Variants in EYS observed in about 807,000 individuals in gnomAD.
The protein encoded by EYS is EGF-like photoreceptor maintenance factor.
EYS carries 250 observed loss-of-function variants against 282.1 expected under a neutral mutation model. That is an observed-to-expected ratio of 0.89 (90% CI 0.80 to 0.98). EYS has a LOEUF of 0.98. Among genes scored for constraint, EYS ranks in the 50% least tolerant of loss-of-function variants. EYS has a pLI of 0.00. For missense variants in EYS, 4,016 were observed against 3,709.0 expected, an observed-to-expected ratio of 1.08 and a Z score of -2.15; for synonymous variants, 1,355 against 1,282.9, an observed-to-expected ratio of 1.06 and a Z score of -1.20.
At chr6:65,062,929 C>T (rs1773622156) in intron 12 of EYS, among the ~76,000 whole-genome samples, 3 of 151,862 alleles carry the variant, frequency 2.0e-5, no homozygotes. Flanking sequence ...TTTGGTTTTC[C>T]TCCCACTTGA....
At chr6:63,794,351 G>A (rs535425968) in intron 37 of EYS, among the ~76,000 whole-genome samples, 15 of 152,224 alleles carry the variant, frequency 9.9e-5, no homozygotes, top group Admixed American at 2.6e-4. Flanking sequence ...CTCTTGGGTC[G>A]GGAACAGAAG....
chr6:64,806,571 TA>T (rs1444228759), intron 22 of EYS, among the ~76,000 whole-genome samples: 1 of 152,150 alleles, frequency 6.6e-6, no homozygotes, highest in African/African-American at 2.4e-5. Context: ...TAAAGCTTAC[TA>T]ATCTTTTAAC....
At chr6:64,419,971 T>G (rs998842833) in intron 28 of EYS, among the ~76,000 whole-genome samples, 1 of 152,206 alleles carries the variant, frequency 6.6e-6, no homozygotes, top group Non-Finnish European at 1.5e-5. Context: ...ACATTTCCCT[T>G]CTGCACTGCC....
chr6:64,432,485 T>G (rs1187693951), intron 28 of EYS, among the ~76,000 whole-genome samples: 1 of 151,410 alleles, frequency 6.6e-6, no homozygotes, highest in Non-Finnish European at 1.5e-5. Flanking sequence ...AATACACTTG[T>G]TATTAAAGGC....
intron 32 of EYS, among the ~76,000 whole-genome samples, chr6:64,073,065 C>T (rs1054745322): frequency 5.3e-5 from 8 of 151,824 alleles, no homozygotes; most frequent in African/African-American, 1.9e-4. Context: ...ATACCAACAT[C>T]CCATTATGGA....
chr6:63,774,259 C>T (rs1208945012), intron 40 of EYS, among the ~76,000 whole-genome samples: 1 of 151,962 alleles, frequency 6.6e-6, no homozygotes, highest in African/African-American at 2.4e-5. Context: ...CCTTCTGCCT[C>T]CCAGGTTCAA....
chr6:63,973,165 T>C (rs9342078), intron 35 of EYS, among the ~76,000 whole-genome samples: 57,071 of 151,866 alleles, frequency 0.38, 10,962 homozygotes, highest in African/African-American at 0.45. Flanking sequence ...AATTTACACT[T>C]CCACCAACAG....
intron 22 of EYS, among the ~76,000 whole-genome samples, chr6:64,658,205 C>G (rs990987079): frequency 4.6e-5 from 7 of 152,214 alleles, no homozygotes; most frequent in Non-Finnish European, 1.0e-4. Context: ...TCAGCTCCAT[C>G]AGGTCCTTTA....
intron 12 of EYS, among the ~76,000 whole-genome samples, chr6:65,062,502 TA>T: frequency 6.6e-6 from 1 of 152,028 alleles, no homozygotes; most frequent in South Asian, 2.1e-4. Context: ...ACATCCAGAG[TA>T]ATTTTTTTAA....
At chr6:63,831,600 T>C (rs994906615) in intron 36 of EYS, among the ~76,000 whole-genome samples, 2 of 152,144 alleles carry the variant, frequency 1.3e-5, no homozygotes, top group Non-Finnish European at 2.9e-5. Flanking sequence ...AGACGTAGAC[T>C]CCCACATAAT....
chr6:64,032,565 A>G (rs561229492), intron 33 of EYS, among the ~76,000 whole-genome samples: 226 of 152,354 alleles, frequency 1.5e-3, no homozygotes, highest in Non-Finnish European at 2.9e-3. Flanking sequence ...TTAAGGGCTC[A>G]GGCCCACAAG....
intron 8 of EYS, among the ~76,000 whole-genome samples, chr6:65,367,240 A>C (rs1764946577): frequency 6.6e-6 from 1 of 151,668 alleles, no homozygotes; most frequent in East Asian, 1.9e-4. Flanking sequence ...ATATGTACAG[A>C]TAGAATGGCT....
chr6:65,221,213 GC>G (rs1369596958), intron 12 of EYS, among the ~76,000 whole-genome samples: 1 of 152,194 alleles, frequency 6.6e-6, no homozygotes, highest in African/African-American at 2.4e-5. Context: ...GCAGAAATTT[GC>G]CTAAGTAATG....
chr6:65,706,807 A>G (rs1769895268), intron 1 of EYS, among the ~76,000 whole-genome samples: 1 of 152,176 alleles, frequency 6.6e-6, no homozygotes, highest in South Asian at 2.1e-4. Flanking sequence ...AACCTCAAAA[A>G]TCGAAAGCAA....
chr6:65,555,665 C>T (rs923201492), intron 2 of EYS, among the ~76,000 whole-genome samples: 1 of 151,978 alleles, frequency 6.6e-6, no homozygotes, highest in African/African-American at 2.4e-5. Flanking sequence ...ATTGTCTAGC[C>T]GAATTTTGTT....
intron 2 of EYS, among the ~76,000 whole-genome samples, chr6:65,559,575 C>A (rs1252191294): frequency 6.6e-6 from 1 of 151,798 alleles, no homozygotes; most frequent in Non-Finnish European, 1.5e-5. Context: ...ATAACCAAAC[C>A]CAAACAGGAA....
intron 26 of EYS, among the ~76,000 whole-genome samples, chr6:64,463,502 A>C (rs1775823172): frequency 6.6e-6 from 1 of 152,216 alleles, no homozygotes; most frequent in Non-Finnish European, 1.5e-5. Context: ...TGCCTTGATA[A>C]TAATTTTCAG....
intron 12 of EYS, among the ~76,000 whole-genome samples, chr6:65,279,693 ATCAAGCATCCTTTAAATAATTC>A (rs1252616106): frequency 6.6e-6 from 1 of 152,232 alleles, no homozygotes; most frequent in Admixed American, 6.5e-5. Flanking sequence ...TTAAGTACTC[ATCAAGCATCCTTTAAATAATTC>A]TGGCATCATG....
intron 1 of EYS, among the ~76,000 whole-genome samples, chr6:65,646,906 T>C (rs1229830634): frequency 1.3e-5 from 2 of 151,748 alleles, no homozygotes; most frequent in Admixed American, 1.3e-4. Flanking sequence ...TAAGAACCAC[T>C]TTTACAATAA....
Sources: gnomAD v4.1 joint callset for allele counts (sites outside exome capture counted in the v4.1 genomes callset) on GRCh38, gnomAD v4.1.1 for gene constraint, MANE v1.5 for transcripts, NCBI Gene and HGNC (gene_info 2026-07-23, HGNC 2026-07-21) for gene names.